Variants in SSPN observed in about 807,000 individuals in gnomAD.
SSPN encodes the protein sarcospan, also known as K-ras oncogene-associated protein.
In SSPN, 15 loss-of-function variants were observed where a neutral mutation model predicts 19.1. The ratio of observed to expected loss-of-function variants is 0.78; its 90% CI spans 0.52 to 1.21. SSPN has a LOEUF of 1.21. SSPN is among the 50% of genes most tolerant of loss of function. The pLI is 0.00. For missense variants in SSPN, 291 were observed against 314.0 expected, an observed-to-expected ratio of 0.93 and a Z score of 0.55; for synonymous variants, 147 against 140.3, an observed-to-expected ratio of 1.05 and a Z score of -0.34.
chr12:26,186,999 T>C (rs1177638918), intron 1 of SSPN, among the ~76,000 whole-genome samples: 1 of 152,222 alleles, frequency 6.6e-6, no homozygotes, highest in Non-Finnish European at 1.5e-5. Flanking sequence ...ACATTGGCCT[T>C]ATTCTCTCCT....
At chr12:26,176,657 A>T (rs946469296) in intron 1 of SSPN, among the ~76,000 whole-genome samples, 1 of 152,182 alleles carries the variant, frequency 6.6e-6, no homozygotes, top group Non-Finnish European at 1.5e-5. Context: ...TCTTCCAAAA[A>T]TAGTTGAGAT....
At chr12:26,187,287 T>G (rs1944760166) in intron 1 of SSPN, among the ~76,000 whole-genome samples, 2 of 152,240 alleles carry the variant, frequency 1.3e-5, no homozygotes, top group South Asian at 4.1e-4. Context: ...GGGTGAGGGA[T>G]CTTTCCACAA....
intron 1 of SSPN, among the ~76,000 whole-genome samples, chr12:26,202,613 A>G (rs768069392): frequency 1.3e-5 from 2 of 152,224 alleles, no homozygotes; most frequent in African/African-American, 2.4e-5. Flanking sequence ...TAACAGTTGA[A>G]TAGATAGATT....
rs1432098537 is a variant in SSPN at position 26,128,991 on chromosome 12, C to T, written c.-31+6839C>T. On this transcript the variant is annotated intron_variant, in intron 1 of 2. Coordinates refer to the SSPN transcript ENST00000538142. ...TGTTTGCAAAGTCTTGGATTTCCAA[C>T]AGAAACAGAACTTGCCTGAAAGGAT... is the stretch of plus-strand genomic sequence containing the variant. Among the ~76,000 whole-genome samples, 4 of 152,178 alleles carry T rather than the reference C, an allele frequency of 2.6e-5. No individual in the cohort carries two copies. The East Asian group carries it at 7.7e-4, about 29-fold the overall frequency.
intron 1 of SSPN, among the ~76,000 whole-genome samples, chr12:26,217,143 T>G (rs1945061996): frequency 7.6e-6 from 1 of 131,386 alleles, no homozygotes. Context: ...GGGATGGCAT[T>G]GAATCTGTAA....
chr12:26,130,306 T>G (rs1944390413), intron 1 of SSPN, among the ~76,000 whole-genome samples: 1 of 152,188 alleles, frequency 6.6e-6, no homozygotes, highest in Non-Finnish European at 1.5e-5. Context: ...TAAGATGCAC[T>G]AAATGTCCAC....
chr12:26,181,992 G>A (rs1944721161), intron 1 of SSPN, among the ~76,000 whole-genome samples: 1 of 152,038 alleles, frequency 6.6e-6, no homozygotes, highest in Non-Finnish European at 1.5e-5. Flanking sequence ...ACGTTATTTT[G>A]AATAGTCTAT....
chr12:26,225,044 C>T (rs1565694356), intron 2 of SSPN, among the ~76,000 whole-genome samples: 1 of 152,138 alleles, frequency 6.6e-6, no homozygotes, highest in Non-Finnish European at 1.5e-5. Flanking sequence ...ACTTAGCAAT[C>T]AGAGCTAGTA....
At chr12:26,224,847 C>T (rs747968913) in intron 2 of SSPN, among the ~76,000 whole-genome samples, 19 of 151,680 alleles carry the variant, frequency 1.3e-4, no homozygotes, top group Admixed American at 7.2e-4. Flanking sequence ...AAGTGGGGGA[C>T]GGGTGATGGG....
chr12:26,229,665 T>C (rs867398218), intron 2 of SSPN, among the ~76,000 whole-genome samples: 1 of 152,226 alleles, frequency 6.6e-6, no homozygotes, highest in South Asian at 2.1e-4. Context: ...ACCAGAATTG[T>C]TCTCTGTAGA....
intron 1 of SSPN, among the ~76,000 whole-genome samples, chr12:26,203,823 G>C (rs1262594929): frequency 2.6e-5 from 4 of 152,104 alleles, no homozygotes; most frequent in Non-Finnish European, 5.9e-5. Context: ...GGCTAGGGAG[G>C]GTTCTCTTCC....
intron 1 of SSPN, chr12:26,124,083 G>A: frequency 6.2e-7 from 1 of 1,604,150 alleles, no homozygotes; most frequent in Non-Finnish European, 8.5e-7. Flanking sequence ...GTCAATTTCA[G>A]ATGTTCAGGC....
intron 1 of SSPN, among the ~76,000 whole-genome samples, chr12:26,133,124 C>G (rs748980560): frequency 6.6e-6 from 1 of 152,210 alleles, no homozygotes; most frequent in African/African-American, 2.4e-5. Context: ...TCATCATATA[C>G]TTGACTCCCT....
chr12:26,231,081 C>A lies in SSPN; in HGVS notation c.*5C>A. On this transcript the variant is annotated 3_prime_UTR_variant, in exon 3 of 3. Transcript: ENST00000242729. The stretch of plus-strand genomic sequence containing the variant: ...GGCCCCCAGCAAAAGATCTAACATT[C>A]TTGCTCAAAGTTGCGAGAGAAAGTA... 1 of 1,605,392 alleles carries A rather than the reference C, an allele frequency of 6.2e-7. No homozygotes were observed. Among genetic ancestry groups the A allele is most frequent in the South Asian group, 1.1e-5 (1 of 90,190 alleles).
At position 26,231,118 on chromosome 12, in the gene SSPN, A is replaced by G. The variant is rs559363092; in HGVS notation, c.*42A>G. On this transcript the variant is annotated 3_prime_UTR_variant, in exon 3 of 3. Transcript: ENST00000242729. The stretch of plus-strand genomic sequence containing the variant: ...TGCGAGAGAAAGTAGCACATGGAGT[A>G]GCTGAGGTTAAACAAACAAAAAAAA... 2 of 1,539,864 alleles carry G rather than the reference A, an allele frequency of 1.3e-6. No homozygotes were observed. Among genetic ancestry groups the G allele is most frequent in the Admixed American group, 4.2e-5 (2 of 47,102 alleles).
chr12:26,123,044 C>A, intron 1 of SSPN: 1 of 1,578,428 alleles, frequency 6.3e-7, no homozygotes, highest in Non-Finnish European at 8.6e-7. Flanking sequence ...GGACACACCG[C>A]GGCTCCCTGG....
chr12:26,174,529 C>CCTTCCTTCCTTCCTTCCT (rs1484425813), intron 1 of SSPN, among the ~76,000 whole-genome samples: 1 of 149,200 alleles, frequency 6.7e-6, no homozygotes, highest in Non-Finnish European at 1.5e-5. Context: ...TCCTTCCTTC[C>CCTTCCTTCCTTCCTTCCT]TTTCTTTTTT....
intron 1 of SSPN, among the ~76,000 whole-genome samples, chr12:26,205,395 CTT>C (rs1944922559): frequency 6.6e-6 from 1 of 152,174 alleles, no homozygotes; most frequent in African/African-American, 2.4e-5. Flanking sequence ...GTTAACTAGA[CTT>C]TGACGAGCGA....
intron 1 of SSPN, chr12:26,124,801 T>C (rs761450674): frequency 1.2e-6 from 2 of 1,613,918 alleles, no homozygotes; most frequent in Admixed American, 1.7e-5. Context: ...GTTCGTTTCC[T>C]CTGTTTCGAT....
Sources: gnomAD v4.1 joint callset for allele counts (sites outside exome capture counted in the v4.1 genomes callset) on GRCh38, gnomAD v4.1.1 for gene constraint, MANE v1.5 for transcripts, NCBI Gene and HGNC (gene_info 2026-07-23, HGNC 2026-07-21) for gene names.